The following GABRA3 variants were observed in gnomAD, a reference collection of about 807,000 sequenced individuals.
GABRA3 encodes gamma-aminobutyric acid type A receptor subunit alpha3.
A neutral mutation model predicts 30.1 loss-of-function variants in GABRA3; 10 were observed. The observed-to-expected ratio is 0.33, with a 90% CI of 0.20 to 0.56. The LOEUF (loss-of-function observed/expected upper bound fraction) is 0.56. Ranked by LOEUF, GABRA3 falls within the 20% of genes least tolerant of loss-of-function variation. GABRA3 has a pLI of 0.89. For synonymous variants in GABRA3, 151 were observed against 146.8 expected, an observed-to-expected ratio of 1.03 and a Z score of -0.21; for missense variants, 233 against 392.0, an observed-to-expected ratio of 0.59 and a Z score of 3.42.
intron 1 of GABRA3, among the ~76,000 whole-genome samples, chrX:152,416,068 G>T (rs189966557): frequency 2.8e-5 from 3 of 108,374 alleles, no homozygotes; most frequent in Non-Finnish European, 3.8e-5. Flanking sequence ...ATTAGGAAAA[G>T]AGGAAGTCAA....
At chrX:152,172,577 G>T (rs1937016741) in intron 9 of GABRA3, among the ~76,000 whole-genome samples, 1 of 110,996 alleles carries the variant, frequency 9.0e-6, no homozygotes, top group African/African-American at 3.3e-5. Context: ...AACAAAATGT[G>T]GTATATACAC....
chrX:152,227,510 T>C (rs1183229242), intron 5 of GABRA3, among the ~76,000 whole-genome samples: 2 of 106,813 alleles, frequency 1.9e-5, no homozygotes, highest in South Asian at 4.3e-4. Context: ...TGTGCACATG[T>C]ACCCTAAAAC....
intron 4 of GABRA3, among the ~76,000 whole-genome samples, chrX:152,265,960 C>A (rs962477268): frequency 9.0e-6 from 1 of 110,825 alleles, no homozygotes; most frequent in Non-Finnish European, 1.9e-5. Flanking sequence ...CTGAACAGAC[C>A]AATAACAGGT....
At chrX:152,278,372 T>A (rs1289355917) in intron 4 of GABRA3, among the ~76,000 whole-genome samples, 1 of 108,988 alleles carries the variant, frequency 9.2e-6, no homozygotes, top group Non-Finnish European at 1.9e-5. Context: ...TGGTTTTTTG[T>A]CCTTGCAATA....
At chrX:152,298,710 C>G (rs955053621) in intron 3 of GABRA3, among the ~76,000 whole-genome samples, 6 of 111,284 alleles carry the variant, frequency 5.4e-5, no homozygotes, top group Non-Finnish European at 7.5e-5. Flanking sequence ...TTTATAGCAG[C>G]ATGATTTATA....
At chrX:152,228,563 A>C (rs1314790781) in intron 5 of GABRA3, among the ~76,000 whole-genome samples, 1 of 111,722 alleles carries the variant, frequency 9.0e-6, no homozygotes, top group Non-Finnish European at 1.9e-5. Flanking sequence ...ATAAGTGGAG[A>C]AAAGGAACAC....
At position 152,224,756 on chromosome X, in the gene GABRA3, T is replaced by C. The variant is rs771626640; in HGVS notation, c.634+7A>G. 1 of 1,147,395 alleles carries C rather than the reference T, an allele frequency of 8.7e-7. No homozygotes were observed. The highest frequency in any genetic ancestry group is 1.2e-6 in the Non-Finnish European group (1 of 845,362). The allele number at this position is 1,147,395 out of a possible 1,213,427, so 94.6% of individuals were successfully genotyped here. A position where few individuals can be genotyped will look rare whatever the true frequency, so the allele number is the denominator to read the frequency against. On this transcript the variant is annotated splice_region_variant and intron_variant, in intron 6 of 9. Coordinates refer to ENST00000370314, the MANE Select transcript of GABRA3 (RefSeq NM_000808.4). Reference sequence around the variant, plus strand: ...AAAAGACAGAGAGAGAGAGAGAAAATACATACAGCTTCCAAACTTCAGTGG... The same window carrying C: ...AAAAGACAGAGAGAGAGAGAGAAAACACATACAGCTTCCAAACTTCAGTGG...
At chrX:152,305,022 CT>C (rs1939699472) in intron 3 of GABRA3, among the ~76,000 whole-genome samples, 1 of 111,316 alleles carries the variant, frequency 9.0e-6, no homozygotes, top group African/African-American at 3.3e-5. Context: ...TCTCATCAAT[CT>C]TTTTTCACAT....
chrX:152,423,077 T>C (rs1254872210), intron 1 of GABRA3, among the ~76,000 whole-genome samples: 1 of 111,962 alleles, frequency 8.9e-6, no homozygotes, highest in Non-Finnish European at 1.9e-5. Flanking sequence ...AAAAATGCTA[T>C]GAGAAGATAT....
intron 2 of GABRA3, among the ~76,000 whole-genome samples, chrX:152,359,462 A>G (rs1225570810): frequency 9.0e-6 from 1 of 111,308 alleles, no homozygotes; most frequent in Admixed American, 9.6e-5. Flanking sequence ...CTGTATTAGA[A>G]TAACTAGTGG....
chrX:152,276,589 TA>T (rs1170083515), intron 4 of GABRA3, among the ~76,000 whole-genome samples: 1 of 112,054 alleles, frequency 8.9e-6, no homozygotes, highest in Non-Finnish European at 1.9e-5. Context: ...TACTGCTTTT[TA>T]ATAGCCAAAA....
intron 5 of GABRA3, among the ~76,000 whole-genome samples, chrX:152,227,609 TAA>T (rs56151403): frequency 5.0e-5 from 5 of 99,754 alleles, no homozygotes; most frequent in East Asian, 3.4e-4. Context: ...TTTTTTTTTT[TAA>T]AAAAAAAAGA....
intron 1 of GABRA3, among the ~76,000 whole-genome samples, chrX:152,408,502 G>T (rs1272047607): frequency 9.0e-6 from 1 of 110,876 alleles, no homozygotes; most frequent in Non-Finnish European, 1.9e-5. Flanking sequence ...AAAATATCTA[G>T]AAATAAACAA....
intron 1 of GABRA3, among the ~76,000 whole-genome samples, chrX:152,366,338 A>G (rs1238566256): frequency 1.8e-5 from 2 of 112,122 alleles, no homozygotes; most frequent in Non-Finnish European, 3.8e-5. Context: ...TCCATGGAAC[A>G]TAAGACATAG....
chrX:152,227,136 T>A (rs1319672654), intron 5 of GABRA3, among the ~76,000 whole-genome samples: 1 of 109,683 alleles, frequency 9.1e-6, no homozygotes, highest in Non-Finnish European at 1.9e-5. Flanking sequence ...CCAACCCAAA[T>A]GCCCAACAAT....
At chrX:152,241,588 G>T (rs1938373119) in intron 5 of GABRA3, among the ~76,000 whole-genome samples, 1 of 109,367 alleles carries the variant, frequency 9.1e-6, no homozygotes, top group Non-Finnish European at 1.9e-5. Flanking sequence ...GCAATGGCGG[G>T]CGCCCCTCCC....
rs1480243511 is a variant in GABRA3 at position 152,410,644 on chromosome X, TA to T, written c.-27+40501del. On this transcript the variant is annotated intron_variant, in intron 1 of 9. Transcript: ENST00000370314. Reference sequence around the variant, plus strand: ...ATTAAAAAATTAAATAAATTGTTTATAAAAAATCATTAAACAAACAAACTCA... The same window carrying T: ...ATTAAAAAATTAAATAAATTGTTTATAAAAATCATTAAACAAACAAACTCA... Among the ~76,000 whole-genome samples, 3 of 111,053 alleles carry T rather than the reference TA, an allele frequency of 2.7e-5. No individual in the cohort carries two copies. The Admixed American group carries it at 2.9e-4, about 11-fold the overall frequency.
intron 3 of GABRA3, among the ~76,000 whole-genome samples, chrX:152,319,351 A>C (rs1939926508): frequency 8.9e-6 from 1 of 112,160 alleles, no homozygotes; most frequent in Admixed American, 9.5e-5. Context: ...TAGTCACCAA[A>C]ACAGCATGGT....
chrX:152,192,686 T>C (rs1470689567), intron 8 of GABRA3, among the ~76,000 whole-genome samples: 1 of 111,656 alleles, frequency 9.0e-6, no homozygotes. Flanking sequence ...CCTTAGGAGA[T>C]AATCAGAATT....
Sources: gnomAD v4.1 joint callset for allele counts (sites outside exome capture counted in the v4.1 genomes callset) on GRCh38, gnomAD v4.1.1 for gene constraint, MANE v1.5 for transcripts, NCBI Gene and HGNC (gene_info 2026-07-23, HGNC 2026-07-21) for gene names.